The following PKNOX2 variants were observed in gnomAD, a reference collection of about 807,000 sequenced individuals.
PKNOX2 encodes homeobox protein PKNOX2.
PKNOX2 carries 14 observed loss-of-function variants against 53.1 expected under a neutral mutation model. The observed-to-expected ratio is 0.26, with a 90% CI of 0.17 to 0.41. PKNOX2 has a LOEUF of 0.41. Ranked by LOEUF, PKNOX2 falls within the 10% of genes least tolerant of loss-of-function variation. The pLI, the probability that PKNOX2 is intolerant of heterozygous loss-of-function variation, is 1.00. For synonymous variants in PKNOX2, 257 were observed against 242.8 expected, an observed-to-expected ratio of 1.06 and a Z score of -0.54; for missense variants, 496 against 602.8, an observed-to-expected ratio of 0.82 and a Z score of 1.85.
intron 1 of PKNOX2, among the ~76,000 whole-genome samples, chr11:125,194,651 A>G (rs910710019): frequency 6.6e-6 from 1 of 152,144 alleles, no homozygotes; most frequent in Non-Finnish European, 1.5e-5. Flanking sequence ...TCTTGCTTCA[A>G]TGTCCCTTAG....
In PKNOX2 at chr11:125,180,124, C is replaced by T. The variant is rs571098060; in HGVS notation, c.-201+15348C>T. Reference sequence around the variant, plus strand: ...GTACTGGTCCTTCTGCCCGGAACATCGTTCCCTGGATATCTGCGTGGCTTG... The same window carrying T: ...GTACTGGTCCTTCTGCCCGGAACATTGTTCCCTGGATATCTGCGTGGCTTG... On this transcript the variant is annotated intron_variant, in intron 1 of 12. Transcript: ENST00000298282. Among the ~76,000 whole-genome samples, 6 of 152,302 alleles carry T rather than the reference C, an allele frequency of 3.9e-5. No homozygotes were observed. In the East Asian group the frequency reaches 9.6e-4, roughly 24 times the overall value.
chr11:125,336,704 T>C (rs927048281), intron 3 of PKNOX2, among the ~76,000 whole-genome samples: 8 of 147,520 alleles, frequency 5.4e-5, no homozygotes, highest in Admixed American at 2.7e-4. Flanking sequence ...CTATATAATA[T>C]AGTATATAGC....
intron 6 of PKNOX2, among the ~76,000 whole-genome samples, chr11:125,388,590 C>T (rs564264366): frequency 1.3e-5 from 2 of 152,188 alleles, no homozygotes; most frequent in South Asian, 4.2e-4. Flanking sequence ...TTCCTCTCTC[C>T]CCCAGGGTCC....
At chr11:125,421,125 C>T (rs1357468255) in intron 10 of PKNOX2, among the ~76,000 whole-genome samples, 1 of 152,144 alleles carries the variant, frequency 6.6e-6, no homozygotes, top group African/African-American at 2.4e-5. Context: ...GTGATTTCAG[C>T]ACTAAGGGGG....
chr11:125,177,831 G>A (rs1003576027), intron 1 of PKNOX2, among the ~76,000 whole-genome samples: 3 of 152,164 alleles, frequency 2.0e-5, no homozygotes, highest in African/African-American at 7.2e-5. Flanking sequence ...GTCAGAGCCT[G>A]GGGAGGCTTC....
chr11:125,312,875 G>A (rs2136017056), intron 2 of PKNOX2, among the ~76,000 whole-genome samples: 1 of 152,350 alleles, frequency 6.6e-6, no homozygotes, highest in Non-Finnish European at 1.5e-5. Context: ...GGAATATGCA[G>A]TGGCACAAGT....
chr11:125,295,543 G>A (rs974672548), intron 2 of PKNOX2, among the ~76,000 whole-genome samples: 7 of 152,208 alleles, frequency 4.6e-5, no homozygotes, highest in Admixed American at 3.9e-4. Flanking sequence ...CTGGATTCCT[G>A]TGGTTGAAGG....
intron 3 of PKNOX2, among the ~76,000 whole-genome samples, chr11:125,349,010 G>A (rs768292130): frequency 2.0e-5 from 3 of 152,088 alleles, no homozygotes; most frequent in East Asian, 1.9e-4. Context: ...ATCTGTGATC[G>A]ATGCTCCCGG....
At chr11:125,333,561 C>CAT (rs1950261829) in intron 3 of PKNOX2, among the ~76,000 whole-genome samples, 1 of 151,870 alleles carries the variant, frequency 6.6e-6, no homozygotes, top group African/African-American at 2.4e-5. Flanking sequence ...CACACACACA[C>CAT]ACACACACAC....
At chr11:125,231,887 G>T (rs1299020798) in intron 1 of PKNOX2, among the ~76,000 whole-genome samples, 1 of 152,190 alleles carries the variant, frequency 6.6e-6, no homozygotes, top group Non-Finnish European at 1.5e-5. Context: ...ATACAAGTTT[G>T]TCAACACTAT....
intron 2 of PKNOX2, among the ~76,000 whole-genome samples, chr11:125,276,421 A>G (rs1946161849): frequency 6.6e-6 from 1 of 152,234 alleles, no homozygotes; most frequent in Non-Finnish European, 1.5e-5. Flanking sequence ...GAAGTGATCC[A>G]GTTAAAGAGG....
intron 1 of PKNOX2, among the ~76,000 whole-genome samples, chr11:125,182,387 T>G (rs1050334666): frequency 4.6e-5 from 7 of 152,178 alleles, no homozygotes; most frequent in African/African-American, 1.4e-4. Context: ...CTATGGAAGA[T>G]CTAGCTGAAA....
In PKNOX2 at chr11:125,249,178, C is replaced by T. The variant is rs117302950; in HGVS notation, c.-130+14063C>T. Among the ~76,000 whole-genome samples the T allele has an allele frequency of 5.7e-3, 861 of 151,550 alleles. 6 individuals are homozygous for T. Among genetic ancestry groups the T allele is most frequent in the South Asian group, 0.012 (57 of 4,778 alleles). The stretch of plus-strand genomic sequence containing the variant: ...GGGATCCTATTCCCCTGGGAATCTC[C>T]GGGTCTTAGGACATGGCAGGCACTT... On this transcript the variant is annotated intron_variant, in intron 2 of 12. Coordinates refer to ENST00000298282, the MANE Select transcript of PKNOX2 (RefSeq NM_001382323.2).
At chr11:125,332,211 T>C (rs185187603) in intron 3 of PKNOX2, among the ~76,000 whole-genome samples, 1 of 152,286 alleles carries the variant, frequency 6.6e-6, no homozygotes, top group East Asian at 1.9e-4. Context: ...GGGCCTTGCT[T>C]AGTATCAAGA....
At chr11:125,195,883 GCACACACACACACACA>G (rs56021315) in intron 1 of PKNOX2, among the ~76,000 whole-genome samples, 6 of 143,912 alleles carry the variant, frequency 4.2e-5, no homozygotes, top group African/African-American at 1.5e-4. Context: ...ATATGTACAT[GCACACACACACACACA>G]CACACACACA....
intron 10 of PKNOX2, among the ~76,000 whole-genome samples, chr11:125,415,067 C>G (rs1264332857): frequency 1.3e-5 from 2 of 152,042 alleles, no homozygotes; most frequent in Non-Finnish European, 2.9e-5. Flanking sequence ...ATCTCTGACT[C>G]TGTTGTAAAT....
At chr11:125,209,577 CAG>C (rs1555117072) in intron 1 of PKNOX2, among the ~76,000 whole-genome samples, 3 of 151,850 alleles carry the variant, frequency 2.0e-5, no homozygotes, top group Non-Finnish European at 4.4e-5. Context: ...TAGGAAAACT[CAG>C]AAGGCACAGA....
At chr11:125,178,672 A>AGGAAGGAAAGAAAGAG (rs1565462496) in intron 1 of PKNOX2, among the ~76,000 whole-genome samples, 2 of 114,892 alleles carry the variant, frequency 1.7e-5, no homozygotes, top group African/African-American at 4.8e-5. Context: ...GAAGGAAGGA[A>AGGAAGGAAAGAAAGAG]AGAAAGAGAG....
At chr11:125,325,404 T>C (rs558831083) in intron 2 of PKNOX2, among the ~76,000 whole-genome samples, 27 of 152,236 alleles carry the variant, frequency 1.8e-4, no homozygotes, top group Admixed American at 7.2e-4. Flanking sequence ...AGTTCATGGC[T>C]AAGGACTTTG....
Sources: gnomAD v4.1 joint callset for allele counts (sites outside exome capture counted in the v4.1 genomes callset) on GRCh38, gnomAD v4.1.1 for gene constraint, MANE v1.5 for transcripts, NCBI Gene and HGNC (gene_info 2026-07-23, HGNC 2026-07-21) for gene names.